ZNF875: variants seen among roughly 807,000 people sequenced by gnomAD.
ZNF875 encodes the protein HKR1, GLI-Kruppel zinc finger family member.
A neutral mutation model predicts 11.2 loss-of-function variants in ZNF875; 14 were observed. That is an observed-to-expected ratio of 1.26 (90% CI 0.83 to 1.96). The LOEUF is 1.96. ZNF875 is among the 30% of genes most tolerant of loss of function. The probability of loss-of-function intolerance (pLI) is 0.00; values close to 1 mark genes in which losing one functional copy is unlikely to be tolerated. For synonymous variants in ZNF875, 301 were observed against 281.1 expected (o/e 1.07, Z -0.71); for missense variants, 752 against 760.4 (o/e 0.99, Z 0.13).
chr19:37,349,636 G>A (rs1010821270), intron 4 of ZNF875, among the ~76,000 whole-genome samples: 2 of 151,922 alleles, frequency 1.3e-5, no homozygotes, highest in Non-Finnish European at 2.9e-5. Context: ...GTTCCAATCT[G>A]TGGCCTACCT....
chr19:37,354,283 CCTCTT>C (rs1482156288), intron 4 of ZNF875, among the ~76,000 whole-genome samples: 6 of 124,564 alleles, frequency 4.8e-5, no homozygotes, highest in Middle Eastern at 4.4e-3. Flanking sequence ...CCCCTCCCCT[CCTCTT>C]GTTTCTGTGG....
At chr19:37,327,806 A>G (rs1023609962) in intron 4 of ZNF875, among the ~76,000 whole-genome samples, 3 of 151,764 alleles carry the variant, frequency 2.0e-5, no homozygotes, top group African/African-American at 7.3e-5. Flanking sequence ...AAAAATGAAA[A>G]TTTATTTTTA....
Position 37,362,571 on chromosome 19 carries a change from AC to A in ZNF875, c.721del (p.Leu241SerfsTer57), listed in dbSNP as rs1310674272. On this transcript the variant is annotated frameshift_variant, in exon 5 of 5. Transcript: ENST00000392153. LOFTEE classifies it low-confidence loss of function (END_TRUNC). ...GGGCCAGGCTTTATCAAGGAGTCAAACCTCCTTAGCCTCCAGAAGACACAAA... is the reference window on the plus strand; with the variant it reads ...GGGCCAGGCTTTATCAAGGAGTCAAACTCCTTAGCCTCCAGAAGACACAAA... ...EFGPGFIKES[N>X]LLSLQKTQTG... 1.2e-6 allele frequency: 2 copies of A among 1,614,040 alleles called. No homozygotes were observed. Among genetic ancestry groups the A allele is most frequent in the East Asian group, 4.5e-5 (2 of 44,886 alleles).
At position 37,363,819 on chromosome 19, in the gene ZNF875, A is replaced by G. The variant is rs2040395959; in HGVS notation, c.*44A>G. The G allele has an allele frequency of 6.5e-7, 1 of 1,531,842 alleles. No individual in the cohort carries two copies. The highest frequency in any genetic ancestry group is 9.0e-7 in the Non-Finnish European group (1 of 1,111,226). The allele number at this position is 1,531,842 out of a possible 1,614,324, so 94.9% of individuals were successfully genotyped here. A position where few individuals can be genotyped will look rare whatever the true frequency, so the allele number is the denominator to read the frequency against. ...GAATGTGGTACAGCCTTTAGCCAGG[A>G]GTCATACTTCATCAGACACCAGAGG... On this transcript the variant is annotated 3_prime_UTR_variant, in exon 5 of 5. Transcript: ENST00000392153.
intron 2 of ZNF875, chr19:37,344,775 G>A (rs776989432): frequency 5.9e-6 from 9 of 1,525,318 alleles, no homozygotes; most frequent in Non-Finnish European, 8.2e-6. Context: ...AGGAATAACG[G>A]TTGTATTAAA....
intron 1 of ZNF875, among the ~76,000 whole-genome samples, chr19:37,320,004 A>T (rs1465302596): frequency 6.6e-6 from 1 of 152,162 alleles, no homozygotes; most frequent in East Asian, 1.9e-4. Context: ...CTCCTGCCTC[A>T]GCCTCTCCCA....
At chr19:37,339,880 C>G (rs1482044704) in intron 2 of ZNF875, among the ~76,000 whole-genome samples, 1 of 151,878 alleles carries the variant, frequency 6.6e-6, no homozygotes, top group East Asian at 2.0e-4. Flanking sequence ...CCTGCCAGTT[C>G]TAAAGAATTT....
In ZNF875 at chr19:37,350,051, G is replaced by A. The variant is rs11668546; in HGVS notation, c.256+2179G>A. ...GCAATCTCGGCTCACTGCAACCTCC[G>A]CCTATCAGGTTCAAGGATTACAGAC... is the stretch of plus-strand genomic sequence containing the variant. On this transcript the variant is annotated intron_variant, in intron 4 of 4. Coordinates refer to ENST00000392153, the MANE Select transcript of ZNF875 (RefSeq NM_001353803.2). Among the ~76,000 whole-genome samples the A allele has an allele frequency of 4.9e-3, 593 of 120,664 alleles. 4 individuals are homozygous for A. Among genetic ancestry groups the A allele is most frequent in the South Asian group, 0.017 (58 of 3,452 alleles). 79.2% of individuals were successfully genotyped at this position (120,664 alleles called of 152,430 possible). A position where few individuals can be genotyped will look rare whatever the true frequency, so the allele number is the denominator to read the frequency against.
upstream of ZNF875, among the ~76,000 whole-genome samples, chr19:37,316,578 C>G (rs1432273268): frequency 6.6e-6 from 1 of 151,960 alleles, no homozygotes; most frequent in African/African-American, 2.4e-5. Flanking sequence ...CCATGTTGCC[C>G]AGGATGGTCT....
chr19:37,322,660 G>A (rs1048101663), intron 2 of ZNF875, among the ~76,000 whole-genome samples: 8 of 152,190 alleles, frequency 5.3e-5, no homozygotes, highest in African/African-American at 1.9e-4. Context: ...GTTTACATCA[G>A]TTGCCCCAGG....
intron 4 of ZNF875, among the ~76,000 whole-genome samples, chr19:37,328,373 C>A (rs1205033144): frequency 6.6e-6 from 1 of 152,160 alleles, no homozygotes; most frequent in East Asian, 1.9e-4. Flanking sequence ...GGAAACTCAA[C>A]CCCTAATGCA....
chr19:37,346,034 A>G (rs1265261911), intron 2 of ZNF875, among the ~76,000 whole-genome samples: 2 of 152,232 alleles, frequency 1.3e-5, no homozygotes, highest in Non-Finnish European at 2.9e-5. Flanking sequence ...TGTAGACACC[A>G]GGGCAATCAC....
intron 2 of ZNF875, chr19:37,337,644 C>G (rs2034770464): frequency 6.6e-6 from 1 of 152,042 alleles, no homozygotes; most frequent in Non-Finnish European, 1.5e-5. Flanking sequence ...GGGATTTCAC[C>G]ATGTTTGCCA....
At position 37,363,675 on chromosome 19, in the gene ZNF875, G is replaced by A. The variant is rs771416941; in HGVS notation, c.1823G>A (p.Arg608Lys). The A allele has an allele frequency of 6.2e-7, 1 of 1,613,484 alleles. No homozygotes were observed. Among genetic ancestry groups the A allele is most frequent in the South Asian group, 1.1e-5 (1 of 90,984 alleles). Residue 608 changes from arginine (R) to lysine (K), a missense_variant, in exon 5 of 5, where the codon AGG (arginine) becomes AAG (lysine). Physicochemically the swap from Arg to Lys is conservative, Grantham distance 26 (BLOSUM62 2). Coordinates refer to ENST00000392153, the MANE Select transcript of ZNF875 (RefSeq NM_001353803.2). ...SRQSHLIRHQ[R>K]THSGEKPYIC... ...CAGTCACACCTCATTAGACACCAGA[G>A]GACACATTCAGGAGAGAAGCCTTAT...
At chr19:37,335,286 C>T (rs1428386979) in intron 2 of ZNF875, 29 bp downstream of exon 2, 1 of 689,548 alleles carries the variant, frequency 1.5e-6, no homozygotes, top group Admixed American at 2.0e-5. Flanking sequence ...TCTATCTTGG[C>T]TGTCAACAGA....
intron 4 of ZNF875, among the ~76,000 whole-genome samples, chr19:37,327,105 G>T (rs2032589674): frequency 6.6e-6 from 1 of 151,510 alleles, no homozygotes; most frequent in Non-Finnish European, 1.5e-5. Flanking sequence ...AGTTCTCCCT[G>T]CCTCAGCCTC....
chr19:37,344,843 G>A (rs933966137), intron 2 of ZNF875: 1 of 976,012 alleles, frequency 1.0e-6, no homozygotes, highest in Non-Finnish European at 1.7e-6. Flanking sequence ...AGATTTTCAA[G>A]GGGTGTATGT....
At chr19:37,357,351 TTAGAATGTTAGA>T (rs1272083896) in intron 4 of ZNF875, among the ~76,000 whole-genome samples, 30 of 152,344 alleles carry the variant, frequency 2.0e-4, no homozygotes, top group Admixed American at 1.7e-3. Context: ...TCTAGTTCTG[TTAGAATGTTAGA>T]ATGACAAATG....
In ZNF875 at chr19:37,347,262, A is replaced by G; in HGVS notation, c.106A>G (p.Arg36Gly). The change falls in exon 3 of 5, where the codon AGG becomes GGG. Residue 36 changes from arginine (R) to glycine (G), a missense_variant. By Grantham distance (125) the Arg-to-Gly change is moderately radical. Transcript: ENST00000392153. ...EEWRLLSPAQ[R>G]TLHREVMLET... ...GTGGAGGTTGTTGAGCCCTGCTCAG[A>G]GGACCCTGCACAGGGAGGTGATGCT... is the stretch of plus-strand genomic sequence containing the variant. 6.2e-7 allele frequency: 1 copy of G among 1,614,054 alleles called. No homozygotes were observed. Among genetic ancestry groups the G allele is most frequent in the Non-Finnish European group, 8.5e-7 (1 of 1,179,902 alleles).
Sources: gnomAD v4.1 joint callset for allele counts (sites outside exome capture counted in the v4.1 genomes callset) on GRCh38, gnomAD v4.1.1 for gene constraint, MANE v1.5 for transcripts, NCBI Gene and HGNC (gene_info 2026-07-23, HGNC 2026-07-21) for gene names.